HNF4A: variants seen among roughly 807,000 people sequenced by gnomAD.
HNF4A encodes the protein hepatocyte nuclear factor 4-alpha.
A neutral mutation model predicts 52.4 loss-of-function variants in HNF4A; 15 were observed. The observed-to-expected ratio is 0.29, with a 90% CI of 0.19 to 0.44. The LOEUF (loss-of-function observed/expected upper bound fraction) is 0.44, where lower values mean the gene tolerates loss of function less well. Among genes scored for constraint, HNF4A ranks in the 20% least tolerant of loss-of-function variants. HNF4A has a pLI of 1.00. For missense variants in HNF4A, 479 were observed against 647.2 expected (o/e 0.74, Z 2.82); for synonymous variants, 280 against 264.4 (o/e 1.06, Z -0.57).
intron 3 of HNF4A, among the ~76,000 whole-genome samples, chr20:44,409,351 T>C (rs917822101): frequency 6.6e-6 from 1 of 152,338 alleles, no homozygotes; most frequent in African/African-American, 2.4e-5. Flanking sequence ...GTGTGAACAG[T>C]TGGAGGCAAG....
At chr20:44,375,712 A>G (rs1385442808) in intron 1 of HNF4A, among the ~76,000 whole-genome samples, 1 of 152,158 alleles carries the variant, frequency 6.6e-6, no homozygotes, top group Admixed American at 6.5e-5. Context: ...GAAGGATTCT[A>G]TTGTTAGATG....
chr20:44,385,511 C>A (rs558700132), intron 1 of HNF4A, among the ~76,000 whole-genome samples: 1 of 152,260 alleles, frequency 6.6e-6, no homozygotes, highest in East Asian at 1.9e-4. Flanking sequence ...CTCTGTCGCC[C>A]AGGCTGGAGT....
chr20:44,402,477 C>T lies in HNF4A; in HGVS notation c.115+990C>T, dbSNP rs568743694. On this transcript the variant is annotated intron_variant, in intron 1 of 9. Transcript: ENST00000316099. ...TCTCTGGTGTGCACGACTGCACAGA[C>T]CCAAATGCAGGACTCTGTTGTTGCC... 412 of 1,030,030 alleles carry T rather than the reference C, an allele frequency of 4.0e-4. 1 individual carries two copies. The highest frequency in any genetic ancestry group is 2.6e-3 in the African/African-American group (158 of 61,128). The allele number at this position is 1,030,030 out of a possible 1,614,324, so 63.8% of individuals were successfully genotyped here.
intron 6 of HNF4A, among the ~76,000 whole-genome samples, chr20:44,418,929 C>A (rs1480644426): frequency 6.6e-6 from 1 of 152,186 alleles, no homozygotes; most frequent in Non-Finnish European, 1.5e-5. Context: ...GCGTGCACCA[C>A]CACACCCAGC....
chr20:44,407,485 G>A lies in HNF4A; in HGVS notation c.385+10G>A, dbSNP rs375708199. 4.5e-6 allele frequency: 7 copies of A among 1,564,758 alleles called. No individual in the cohort carries two copies. The highest frequency in any genetic ancestry group is 1.7e-4 in the Middle Eastern group (1 of 5,942). ...GGCATGAAGAAGGAAGGTGAGCCTC[G>A]GCCCTCCCCGCCCCACCACCACTGC... is the stretch of plus-strand genomic sequence containing the variant. On this transcript the variant is annotated intron_variant, in intron 3 of 9. Coordinates refer to ENST00000316099, the MANE Select transcript of HNF4A (RefSeq NM_000457.6).
chr20:44,409,844 T>C (rs1459649707), intron 3 of HNF4A, among the ~76,000 whole-genome samples: 4 of 151,522 alleles, frequency 2.6e-5, no homozygotes, highest in African/African-American at 9.7e-5. Context: ...CCCTTCTTTT[T>C]TTTTTTTTTT....
rs187230595 is a variant in HNF4A at position 44,412,501 on chromosome 20, T to C, written c.386-1193T>C. ...GAGGCGGGTTTTCGCGGACAGAGTGTGTAGGGGGAAGCCGGTAAAAGGTGC... is the reference window on the plus strand; with the variant it reads ...GAGGCGGGTTTTCGCGGACAGAGTGCGTAGGGGGAAGCCGGTAAAAGGTGC... On this transcript the variant is annotated intron_variant, in intron 3 of 9. Coordinates refer to ENST00000316099, the MANE Select transcript of HNF4A (RefSeq NM_000457.6). Among the ~76,000 whole-genome samples, 880 of 151,694 alleles carry C rather than the reference T, an allele frequency of 5.8e-3. 4 individuals are homozygous for C. Among genetic ancestry groups the C allele is most frequent in the Non-Finnish European group, 8.9e-3 (607 of 67,904 alleles).
At chr20:44,357,841 T>TA (rs911579388) in intron 1 of HNF4A, among the ~76,000 whole-genome samples, 95 of 140,836 alleles carry the variant, frequency 6.7e-4, no homozygotes, top group Middle Eastern at 7.2e-3. Flanking sequence ...GGTTCAAGAT[T>TA]AAAAAAAAAA....
At chr20:44,410,402 G>A (rs1216263962) in intron 3 of HNF4A, among the ~76,000 whole-genome samples, 1 of 152,146 alleles carries the variant, frequency 6.6e-6, no homozygotes, top group Non-Finnish European at 1.5e-5. Flanking sequence ...TTGAGAACGG[G>A]CCAGAGTGAC....
chr20:44,366,312 A>ACTCCTAATTCT (rs2062969451), intron 1 of HNF4A, among the ~76,000 whole-genome samples: 1 of 151,892 alleles, frequency 6.6e-6, no homozygotes, highest in East Asian at 1.9e-4. Context: ...ACACATATTA[A>ACTCCTAATTCT]CTCCTAATTC....
chr20:44,393,353 C>T (rs1374749815), intron 1 of HNF4A, among the ~76,000 whole-genome samples: 1 of 152,238 alleles, frequency 6.6e-6, no homozygotes, highest in Non-Finnish European at 1.5e-5. Flanking sequence ...TCCTGGCTTC[C>T]TTCCTGATCA....
chr20:44,427,574 C>T (rs1299789057), intron 8 of HNF4A, among the ~76,000 whole-genome samples: 1 of 152,148 alleles, frequency 6.6e-6, no homozygotes, highest in Non-Finnish European at 1.5e-5. Context: ...AAACCATATC[C>T]CATGTGGTAT....
chr20:44,359,011 A>C (rs2062890253), intron 1 of HNF4A, among the ~76,000 whole-genome samples: 1 of 152,138 alleles, frequency 6.6e-6, no homozygotes, highest in Admixed American at 6.5e-5. Context: ...CGCTCTGATC[A>C]GATAGTTGCT....
Position 44,429,372 on chromosome 20 carries a change from A to C in HNF4A, c.1283-151A>C, listed in dbSNP as rs74173201. 59,263 of 836,104 alleles carry C rather than the reference A, an allele frequency of 0.071. 2,452 individuals are homozygous for C. Among genetic ancestry groups the C allele is most frequent in the Admixed American group, 0.13 (6,128 of 48,160 alleles). The allele number at this position is 836,104 out of a possible 1,614,324, so 51.8% of individuals were successfully genotyped here. A position where few individuals can be genotyped will look rare whatever the true frequency, so the allele number is the denominator to read the frequency against. On this transcript the variant is annotated intron_variant, in intron 9 of 9. Transcript: ENST00000316099. ...TGAGCAATAAAAGACCTTAGGGATT[A>C]TCTGGTTTAATTAATTCTCTCATTT...
At chr20:44,376,137 C>T (rs1382646884) in intron 1 of HNF4A, among the ~76,000 whole-genome samples, 1 of 152,076 alleles carries the variant, frequency 6.6e-6, no homozygotes, top group African/African-American at 2.4e-5. Flanking sequence ...TGGTGGCATG[C>T]ACCTGTAATC....
In HNF4A at chr20:44,405,873, C is replaced by G. The variant is rs3212180; in HGVS notation, c.116-185C>G. ...CAAGTCTGTGAAGTCACAACCAGCC[C>G]CAGTTTACAGATGTGAAACTGAAGC... On this transcript the variant is annotated intron_variant, in intron 1 of 9. Transcript: ENST00000316099. Among the ~76,000 whole-genome samples, 20,882 of 152,200 alleles carry G rather than the reference C, an allele frequency of 0.14. 1,527 individuals carry two copies. The highest frequency in any genetic ancestry group is 0.15 in the East Asian group (791 of 5,170).
intron 1 of HNF4A, among the ~76,000 whole-genome samples, chr20:44,403,788 A>G (rs2063443650): frequency 6.6e-6 from 1 of 152,114 alleles, no homozygotes. Context: ...TTCCTCTCTA[A>G]GCCTCAGTGT....
chr20:44,422,524 C>T lies in HNF4A; in HGVS notation c.893-1494C>T, dbSNP rs564351001. On this transcript the variant is annotated intron_variant, in intron 7 of 9. Transcript: ENST00000316099. ...ATGAAAGAGGAAATAAATGCATTACCTCCATGAAGGTTGAGATTAAATATT... is the reference window on the plus strand; with the variant it reads ...ATGAAAGAGGAAATAAATGCATTACTTCCATGAAGGTTGAGATTAAATATT... 7.9e-5 allele frequency among the ~76,000 whole-genome samples: 12 copies of T among 152,164 alleles called. No homozygotes were observed. In the South Asian group the frequency reaches 2.5e-3, roughly 32 times the overall value.
At chr20:44,390,808 A>T (rs2063293742) in intron 1 of HNF4A, 1 of 622,948 alleles carries the variant, frequency 1.6e-6, no homozygotes, top group Admixed American at 2.6e-5. Flanking sequence ...CTAACCCAGG[A>T]ACGTCCATGG....
Sources: gnomAD v4.1 joint callset for allele counts (sites outside exome capture counted in the v4.1 genomes callset) on GRCh38, gnomAD v4.1.1 for gene constraint, MANE v1.5 for transcripts, NCBI Gene and HGNC (gene_info 2026-07-23, HGNC 2026-07-21) for gene names.